PTP4A2: variants seen among roughly 807,000 people sequenced by gnomAD.
The protein encoded by PTP4A2 is protein tyrosine phosphatase 4A2.
Under a neutral mutation model 22.9 loss-of-function variants are expected in PTP4A2, and 2 were observed. That is an observed-to-expected ratio of 0.09 (90% CI 0.04 to 0.27). The LOEUF (loss-of-function observed/expected upper bound fraction) is 0.27. PTP4A2 is among the 10% of genes least tolerant of loss of function. The probability of loss-of-function intolerance (pLI) is 1.00; values close to 1 mark genes in which losing one functional copy is unlikely to be tolerated. For missense variants in PTP4A2, 103 were observed against 205.1 expected (o/e 0.50, Z 3.04); for synonymous variants, 68 against 69.1 (o/e 0.98, Z 0.08).
At chr1:31,926,090 C>T (rs1211710835) in intron 1 of PTP4A2, among the ~76,000 whole-genome samples, 1 of 146,216 alleles carries the variant, frequency 6.8e-6, no homozygotes, top group African/African-American at 2.5e-5. Flanking sequence ...GATTGCGCCA[C>T]TGCACTCCAG....
intron 1 of PTP4A2, among the ~76,000 whole-genome samples, chr1:31,925,144 A>G (rs942846979): frequency 6.6e-6 from 1 of 152,196 alleles, no homozygotes; most frequent in African/African-American, 2.4e-5. Flanking sequence ...ACAGGACTGA[A>G]GGCTGGAGGT....
At chr1:31,928,348 A>C (rs914818032) in intron 1 of PTP4A2, among the ~76,000 whole-genome samples, 4 of 151,240 alleles carry the variant, frequency 2.6e-5, no homozygotes, top group Admixed American at 6.6e-5. Flanking sequence ...TTCTACACAA[A>C]TAAGGATCCA....
At chr1:31,912,392 G>A (rs907340162) in intron 3 of PTP4A2, among the ~76,000 whole-genome samples, 5 of 152,176 alleles carry the variant, frequency 3.3e-5, no homozygotes, top group African/African-American at 9.7e-5. Flanking sequence ...TAAAAGGCAA[G>A]CAGTGAGTAT....
intron 1 of PTP4A2, among the ~76,000 whole-genome samples, chr1:31,930,034 A>G (rs944846104): frequency 6.6e-6 from 1 of 152,188 alleles, no homozygotes; most frequent in African/African-American, 2.4e-5. Context: ...TACTGTTCAC[A>G]TTACCTAAAA....
At chr1:31,909,165 T>C (rs1455948239) in intron 5 of PTP4A2, among the ~76,000 whole-genome samples, 1 of 152,242 alleles carries the variant, frequency 6.6e-6, no homozygotes, top group Non-Finnish European at 1.5e-5. Flanking sequence ...TTTTTCTTGC[T>C]GACTGTCATT....
chr1:31,932,385 T>C (rs989662588), intron 1 of PTP4A2, among the ~76,000 whole-genome samples: 9 of 152,214 alleles, frequency 5.9e-5, no homozygotes, highest in African/African-American at 1.7e-4. Context: ...AAAAGCCTAA[T>C]CTTAAAATTC....
chr1:31,912,113 A>G (rs757865598), intron 3 of PTP4A2, among the ~76,000 whole-genome samples: 7 of 152,238 alleles, frequency 4.6e-5, no homozygotes, highest in East Asian at 1.9e-4. Flanking sequence ...CCCAAAAATG[A>G]TATCTGAATA....
chr1:31,937,057 C>G (rs1308678105), intron 1 of PTP4A2, among the ~76,000 whole-genome samples: 1 of 152,164 alleles, frequency 6.6e-6, no homozygotes, highest in Non-Finnish European at 1.5e-5. Flanking sequence ...ACTAGCAGTA[C>G]TTTACAAAAG....
intron 1 of PTP4A2, among the ~76,000 whole-genome samples, chr1:31,928,696 CAAAA>C (rs1162186046): frequency 3.5e-5 from 2 of 57,314 alleles, no homozygotes; most frequent in African/African-American, 6.1e-5. Context: ...AACTCTGTCT[CAAAA>C]AAAAAAAAAA....
At position 31,906,766 on chromosome 1, in the gene PTP4A2, ACACACACACACACACACACACC is replaced by A. The variant is rs2124114996; in HGVS notation, c.*2064_*2085del. The A allele has an allele frequency of 6.9e-6, 1 of 144,630 alleles. No individual in the cohort carries two copies. Among genetic ancestry groups the A allele is most frequent in the East Asian group, 2.3e-4 (1 of 4,412 alleles). The allele number at this position is 144,630 out of a possible 1,614,324, so 9.0% of individuals were successfully genotyped here. A position where few individuals can be genotyped will look rare whatever the true frequency, so the allele number is the denominator to read the frequency against. On this transcript the variant is annotated 3_prime_UTR_variant, in exon 6 of 6. Transcript: ENST00000647444. ...CACACACACACACATACACACACACACACACACACACACACACACACCCCCTCCCCCCAAACAACAAAATTCA... is the reference window on the plus strand; with the variant it reads ...CACACACACACACATACACACACACACCCTCCCCCCAAACAACAAAATTCA...
chr1:31,937,275 A>C (rs1652976591), intron 1 of PTP4A2, among the ~76,000 whole-genome samples: 1 of 152,106 alleles, frequency 6.6e-6, no homozygotes, highest in Admixed American at 6.5e-5. Flanking sequence ...GGGGGAAAAA[A>C]ATTAAAATCC....
At chr1:31,926,082 TTGCG>T (rs1652439851) in intron 1 of PTP4A2, among the ~76,000 whole-genome samples, 2 of 146,880 alleles carry the variant, frequency 1.4e-5, no homozygotes, top group Non-Finnish European at 3.0e-5. Context: ...TGAACTGAGA[TTGCG>T]CCACTGCACT....
intron 1 of PTP4A2, chr1:31,931,223 G>T (rs955770143): frequency 6.6e-6 from 1 of 152,192 alleles, no homozygotes; most frequent in African/African-American, 2.4e-5. Context: ...AAGATACAAA[G>T]TAAGCGTGAG....
In PTP4A2 at chr1:31,912,791, G is replaced by A. The variant is rs552842895; in HGVS notation, c.190-965C>T. Among the ~76,000 whole-genome samples, 409 of 152,250 alleles carry A rather than the reference G, an allele frequency of 2.7e-3. 3 individuals are homozygous for A. The highest frequency in any genetic ancestry group is 6.8e-3 in the Middle Eastern group (2 of 292). ...AAGGACACTTTAAGATATTAGGGGAGGAAAAAGAGAAAAGTGACAGAGCAT... is the reference window on the plus strand; with the variant it reads ...AAGGACACTTTAAGATATTAGGGGAAGAAAAAGAGAAAAGTGACAGAGCAT... On this transcript the variant is annotated intron_variant, in intron 3 of 5. Coordinates refer to ENST00000647444, the MANE Select transcript of PTP4A2 (RefSeq NM_080391.4).
At position 31,910,064 on chromosome 1, in the gene PTP4A2, G is replaced by A. The variant is rs141172283; in HGVS notation, c.369C>T (p.Tyr123=). The A allele has an allele frequency of 2.1e-5, 34 of 1,613,266 alleles. No individual in the cohort carries two copies. In the African/African-American group the frequency reaches 3.2e-4, roughly 15 times the overall value. ...GTCTTATAAACTGAACTGCATCTTC[G>A]TACTTCATTCCACATTCAATCAAAG... ...ALALIECGMK[Y]EDAVQFIRQK... The change falls in exon 5 of 6, where the codon TAC becomes TAT. Residue 123 remains tyrosine, a synonymous_variant. Transcript: ENST00000647444.
At chr1:31,913,633 A>G (rs1255210319) in intron 3 of PTP4A2, among the ~76,000 whole-genome samples, 2 of 151,788 alleles carry the variant, frequency 1.3e-5, no homozygotes, top group East Asian at 3.9e-4. Flanking sequence ...GTGGTATCAT[A>G]TTGTGCTTTT....
In PTP4A2 at chr1:31,922,182, C is replaced by G. The variant is rs112351762; in HGVS notation, c.-593-2524G>C. ...CAACAGAAACATCAACTACCCTGAC[C>G]TTTTAAAAAATAAAAAAGTTGGCCG... On this transcript the variant is annotated intron_variant, in intron 1 of 5. Transcript: ENST00000647444. Among the ~76,000 whole-genome samples the G allele has an allele frequency of 5.5e-3, 832 of 152,254 alleles. 7 individuals carry two copies. Among genetic ancestry groups the G allele is most frequent in the African/African-American group, 0.019 (784 of 41,546 alleles).
chr1:31,935,714 C>T (rs1652906140), intron 1 of PTP4A2: 1 of 152,162 alleles, frequency 6.6e-6, no homozygotes, highest in Non-Finnish European at 1.5e-5. Flanking sequence ...GAAGATACCA[C>T]CTTTCTTGTA....
At chr1:31,922,690 G>A (rs947521117) in intron 1 of PTP4A2, among the ~76,000 whole-genome samples, 2 of 150,976 alleles carry the variant, frequency 1.3e-5, no homozygotes, top group African/African-American at 4.9e-5. Context: ...GTGCAGTGGC[G>A]CGATCATGGC....
Sources: allele counts gnomAD v4.1 joint callset (sites outside exome capture counted in the v4.1 genomes callset), GRCh38; gene constraint gnomAD v4.1.1; transcripts MANE v1.5; gene names NCBI Gene and HGNC (gene_info 2026-07-23, HGNC 2026-07-21).